INSRR: variants seen among roughly 807,000 people sequenced by gnomAD.
The protein encoded by INSRR is insulin receptor related receptor, also known as insulin receptor-related protein.
In INSRR, 114 loss-of-function variants were observed where a neutral mutation model predicts 130.0. The observed-to-expected ratio is 0.88, with a 90% CI of 0.75 to 1.02. INSRR has a LOEUF of 1.02. Among genes scored for constraint, INSRR ranks in the 50% least tolerant of loss-of-function variants. The pLI is 0.00. For synonymous variants in INSRR, 674 were observed against 705.2 expected (o/e 0.96, Z 0.70); for missense variants, 1,657 against 1,735.2 (o/e 0.95, Z 0.80).
rs1325483565 is a variant in INSRR at position 156,858,994 on chromosome 1, C to G, written c.-373G>C. ...TGAGGGCGGAGCAGCAGGCTGGGGA[C>G]CGCTCCCAAGGAGGGCAGCGGGGGT... On this transcript the variant is annotated 5_prime_UTR_variant, in exon 1 of 22. Transcript: ENST00000368195. 1 of 230,272 alleles carries G rather than the reference C, an allele frequency of 4.3e-6. No individual in the cohort carries two copies. Among genetic ancestry groups the G allele is most frequent in the African/African-American group, 2.2e-5 (1 of 45,108 alleles). The allele number at this position is 230,272 out of a possible 1,614,324, so 14.3% of individuals were successfully genotyped here. A position where few individuals can be genotyped will look rare whatever the true frequency, so the allele number is the denominator to read the frequency against.
chr1:156,842,702 C>T (rs1372444726), intron 17 of INSRR, among the ~76,000 whole-genome samples, 194 bp from the exon 18 acceptor site: 1 of 152,178 alleles, frequency 6.6e-6, no homozygotes, highest in Non-Finnish European at 1.5e-5. Context: ...TGATGATCAT[C>T]ACAGTCACGA....
rs778994457 is a variant in INSRR at position 156,841,075 on chromosome 1, G to A, written c.3692C>T (p.Pro1231Leu). The A allele has an allele frequency of 1.5e-5, 24 of 1,570,506 alleles. No homozygotes were observed. The highest frequency in any genetic ancestry group is 2.7e-5 in the African/African-American group (2 of 73,798). The change falls in exon 22 of 22, where the codon CCG becomes CTG. Residue 1231 changes from proline to leucine, a missense_variant. Transcript: ENST00000368195. ...GAAAGATGGGCGCAGGCGTGGGTTC[G>A]GCTGCCAGCAGCGGCTCATCAGCTC... ...LQELMSRCWQ[P>L]NPRLRPSFTH...
intron 5 of INSRR, among the ~76,000 whole-genome samples, chr1:156,850,076 A>AT (rs1244762849): frequency 7.9e-5 from 12 of 151,984 alleles, no homozygotes; most frequent in Non-Finnish European, 1.6e-4. Context: ...CTAATTTTGT[A>AT]TTTTTTATAG....
chr1:156,851,484 C>T (rs1383075469), intron 4 of INSRR, 50 bp from the exon 5 acceptor site: 2 of 1,611,858 alleles, frequency 1.2e-6, no homozygotes, highest in Admixed American at 3.3e-5. Flanking sequence ...GGTGATGGGT[C>T]TGTGGGGCAA....
chr1:156,842,051 C>T lies in INSRR; in HGVS notation c.3397+61G>A, dbSNP rs755433838. 6.2e-6 allele frequency: 10 copies of T among 1,605,740 alleles called. 1 individual carries two copies. The highest frequency in any genetic ancestry group is 8.5e-6 in the Non-Finnish European group (10 of 1,176,182). ...ACCAGGGCTGTGGGTCTCCTGATGC[C>T]TAGCTTAAGGGAGTCTCTCTACTTT... On this transcript the variant is annotated intron_variant, in intron 19 of 21. Transcript: ENST00000368195.
In INSRR at chr1:156,842,506, C is replaced by A. The variant is rs373063513; in HGVS notation, c.3129G>T (p.Val1043=). The change falls in exon 18 of 22, where the codon GTG becomes GTT. Residue 1043 remains valine (V), a splice_region_variant and synonymous_variant. Transcript: ENST00000368195. ...VMKAFKCHHV[V]RLLGVVSQGQ... is the part of the protein sequence containing the mutation. ...CCTGAGATACCACACCCAGGAGACG[C>A]ACCTGGGACAGACAAAGGGCCTAGC... is the stretch of plus-strand genomic sequence containing the variant. 11 of 1,613,402 alleles carry A rather than the reference C, an allele frequency of 6.8e-6. No individual in the cohort carries two copies. Among genetic ancestry groups the A allele is most frequent in the Non-Finnish European group, 9.3e-6 (11 of 1,179,368 alleles).
Position 156,858,878 on chromosome 1 carries a change from GCAGA to G in INSRR, c.-261_-258del. The G allele has an allele frequency of 1.9e-6, 1 of 525,794 alleles. No individual in the cohort carries two copies. The highest frequency in any genetic ancestry group is 2.4e-5 in the South Asian group (1 of 41,918). 32.6% of individuals were successfully genotyped at this position (525,794 alleles called of 1,614,324 possible). A position where few individuals can be genotyped will look rare whatever the true frequency, so the allele number is the denominator to read the frequency against. ...GAGATTGAGAGATGGGGACAGAGAT[GCAGA>G]CAGTGACAGGGAGAGTCTCGGGCCT... On this transcript the variant is annotated 5_prime_UTR_variant, in exon 1 of 22. Transcript: ENST00000368195.
At chr1:156,852,589 T>A (rs1325064031) in intron 2 of INSRR, among the ~76,000 whole-genome samples, 1 of 152,192 alleles carries the variant, frequency 6.6e-6, no homozygotes, top group Non-Finnish European at 1.5e-5. Flanking sequence ...TGGGAGTGTG[T>A]GCAGGGAGGG....
In INSRR at chr1:156,845,169, C is replaced by A; in HGVS notation, c.2344G>T (p.Glu782Ter). Reference sequence around the variant, plus strand: ...CAGGCATGGATGTCGATCCGGTATTCCGTGAAGTGGCGCAGGCCGCTCAGC... The same window carrying A: ...CAGGCATGGATGTCGATCCGGTATTACGTGAAGTGGCGCAGGCCGCTCAGC... The part of the protein sequence containing the change: ...AVLSGLRHFT[E>*]YRIDIHACNH... The change falls in exon 12 of 22, where the codon GAA becomes TAA. Residue 782 changes from glutamate (E) to a stop codon, truncating the protein, a stop_gained. Transcript: ENST00000368195. LOFTEE classifies it high-confidence loss of function. 6.2e-7 allele frequency: 1 copy of A among 1,611,356 alleles called. No homozygotes were observed. The highest frequency in any genetic ancestry group is 8.5e-7 in the Non-Finnish European group (1 of 1,179,078).
rs1654778748 is a variant in INSRR at position 156,841,471 on chromosome 1, G to A, written c.3585C>T (p.Gly1195=). The A allele has an allele frequency of 6.2e-7, 1 of 1,613,948 alleles. No homozygotes were observed. The highest frequency in any genetic ancestry group is 8.5e-7 in the Non-Finnish European group (1 of 1,179,912). The change falls in exon 21 of 22, where the codon GGC becomes GGT. Residue 1195 remains glycine, a synonymous_variant. Coordinates refer to ENST00000368195, the MANE Select transcript of INSRR (RefSeq NM_014215.3). ...IVTLAEQPYQ[G]LSNEQVLKFV... ...ACTTCAGCACCTGCTCATTGGACAG[G>A]CCCTGGTAGGGTTGTTCTGCCAGGG...
intron 1 of INSRR, among the ~76,000 whole-genome samples, chr1:156,857,669 C>T (rs1257424868): frequency 6.6e-6 from 1 of 152,200 alleles, no homozygotes; most frequent in African/African-American, 2.4e-5. Flanking sequence ...TTGCATCACT[C>T]TCCCATCTCC....
In INSRR at chr1:156,845,633, C is replaced by A; in HGVS notation, c.2160G>T (p.Ala720=). ...QKKFENFLHN[A]ITIPISPWKV... ...GCTCTTCGCACATGGGGATGGTGAT[C>A]GCGTTGTGTAGAAAGTTTTCAAACT... The change falls in exon 10 of 22, where the codon GCG becomes GCT. Residue 720 remains alanine, a synonymous_variant. Coordinates refer to ENST00000368195, the MANE Select transcript of INSRR (RefSeq NM_014215.3). The A allele has an allele frequency of 1.9e-6, 3 of 1,598,664 alleles. No individual in the cohort carries two copies. The highest frequency in any genetic ancestry group is 8.5e-7 in the Non-Finnish European group (1 of 1,171,458).
chr1:156,842,516 A>G lies in INSRR; in HGVS notation c.3127-8T>C. ...CACACCCAGGAGACGCACCTGGGACAGACAAAGGGCCTAGCAGACCCCCTA... is the reference window on the plus strand; with the variant it reads ...CACACCCAGGAGACGCACCTGGGACGGACAAAGGGCCTAGCAGACCCCCTA... On this transcript the variant is annotated splice_polypyrimidine_tract_variant and splice_region_variant and intron_variant, in intron 17 of 21. Transcript: ENST00000368195. The G allele has an allele frequency of 6.2e-7, 1 of 1,607,810 alleles. No homozygotes were observed. Among genetic ancestry groups the G allele is most frequent in the Non-Finnish European group, 8.5e-7 (1 of 1,174,300 alleles).
At chr1:156,851,165 T>C in intron 5 of INSRR, 125 bp downstream of exon 5, 1 of 986,740 alleles carries the variant, frequency 1.0e-6, no homozygotes, top group Non-Finnish European at 1.6e-6. Context: ...GAAGTTAACC[T>C]ACTTAGAGTC....
chr1:156,850,434 A>C (rs1053950748), intron 5 of INSRR, among the ~76,000 whole-genome samples: 1 of 147,274 alleles, frequency 6.8e-6, no homozygotes, highest in African/African-American at 2.5e-5. Flanking sequence ...CTGGTCTTGA[A>C]CTCCTGACCG....
chr1:156,845,494 C>A, intron 10 of INSRR, 81 bp from the exon 11 acceptor site: 1 of 1,503,352 alleles, frequency 6.7e-7, no homozygotes, highest in Admixed American at 2.3e-5. Context: ...CCTCCAAAAG[C>A]ACCCACAACC....
At chr1:156,857,158 T>A (rs1655432767) in intron 1 of INSRR, among the ~76,000 whole-genome samples, 1 of 118,548 alleles carries the variant, frequency 8.4e-6, no homozygotes, top group South Asian at 3.0e-4. Context: ...GCCCAGCAGC[T>A]GTGTATGTGT....
chr1:156,842,070 C>T (rs1039164689), intron 19 of INSRR, 42 bp downstream of exon 19: 1 of 1,611,540 alleles, frequency 6.2e-7, no homozygotes, highest in Admixed American at 1.7e-5. Context: ...GGGAGTCTCT[C>T]TACTTTTCAG....
chr1:156,858,511 T>C (rs1571678384), intron 1 of INSRR, 26 bp downstream of exon 1: 2 of 1,591,564 alleles, frequency 1.3e-6, no homozygotes, highest in Middle Eastern at 1.7e-4. Context: ...GAGGTAGGGG[T>C]CTGGGAGCCA....
Sources: gnomAD v4.1 joint callset for allele counts (sites outside exome capture counted in the v4.1 genomes callset) on GRCh38, gnomAD v4.1.1 for gene constraint, MANE v1.5 for transcripts, NCBI Gene and HGNC (gene_info 2026-07-23, HGNC 2026-07-21) for gene names.